DGKB: variants seen among roughly 807,000 people sequenced by gnomAD.
DGKB encodes 90 kDa diacylglycerol kinase.
Under a neutral mutation model 114.3 loss-of-function variants are expected in DGKB, and 67 were observed. The observed-to-expected ratio is 0.59, with a 90% confidence interval of 0.48 to 0.72. DGKB has a LOEUF of 0.72. Among genes scored for constraint, DGKB ranks in the 30% least tolerant of loss-of-function variants. The pLI is 0.00. For synonymous variants in DGKB, 398 were observed against 323.1 expected (o/e 1.23, Z -2.49); for missense variants, 907 against 975.2 (o/e 0.93, Z 0.93).
At chr7:14,248,228 A>C (rs958231873) in intron 23 of DGKB, among the ~76,000 whole-genome samples, 1 of 152,094 alleles carries the variant, frequency 6.6e-6, no homozygotes, top group Non-Finnish European at 1.5e-5. Context: ...TGCCAGTACT[A>C]TACTGTTTTG....
intron 20 of DGKB, among the ~76,000 whole-genome samples, chr7:14,514,247 TC>T (rs1788421488): frequency 6.6e-6 from 1 of 151,938 alleles, no homozygotes; most frequent in African/African-American, 2.4e-5. Flanking sequence ...ATGATACATT[TC>T]CCCCCAAAAT....
chr7:14,763,875 C>T (rs977975891), intron 2 of DGKB, among the ~76,000 whole-genome samples: 13 of 151,948 alleles, frequency 8.6e-5, no homozygotes, highest in African/African-American at 2.9e-4. Context: ...TTGTTTTTAA[C>T]CAAAATAGTG....
rs576415782 is a variant in DGKB at position 14,231,082 on chromosome 7, C to T, written c.2123-52931G>A. 4.9e-5 allele frequency among the ~76,000 whole-genome samples: 6 copies of T among 121,874 alleles called. No homozygotes were observed. The South Asian group carries it at 1.1e-3, about 22-fold the overall frequency. The allele number at this position is 121,874 out of a possible 152,430, so 80.0% of individuals were successfully genotyped here. A position where few individuals can be genotyped will look rare whatever the true frequency, so the allele number is the denominator to read the frequency against. ...AAGGTTAAAAATTCTTTCTTCTTTC[C>T]CTTTCTTTCTTTCTTTCTTTCTTTC... On this transcript the variant is annotated intron_variant, in intron 23 of 25. Transcript: ENST00000402815.
intron 1 of DGKB, among the ~76,000 whole-genome samples, chr7:14,847,380 A>G (rs1848782005): frequency 1.3e-5 from 2 of 152,198 alleles, no homozygotes; most frequent in Admixed American, 1.3e-4. Context: ...TTTCCAACAG[A>G]AAAAAATCCT....
intron 4 of DGKB, among the ~76,000 whole-genome samples, chr7:14,741,969 G>C (rs1832649128): frequency 6.6e-6 from 1 of 152,110 alleles, no homozygotes; most frequent in Non-Finnish European, 1.5e-5. Flanking sequence ...TCTGAGAAAG[G>C]TTTTTTCCCC....
At chr7:14,834,606 T>A (rs10479935) in intron 2 of DGKB, among the ~76,000 whole-genome samples, 14,558 of 152,160 alleles carry the variant, frequency 0.096, 1,221 homozygotes, top group East Asian at 0.29. Flanking sequence ...TCCATCTGAC[T>A]GGGACTTCAC....
intron 8 of DGKB, among the ~76,000 whole-genome samples, chr7:14,695,585 C>T (rs780044893): frequency 3.5e-5 from 5 of 143,770 alleles, no homozygotes; most frequent in Non-Finnish European, 6.0e-5. Flanking sequence ...TAGCAAGCTC[C>T]GCCTCCTGGG....
chr7:14,612,468 A>G (rs1805738150), intron 16 of DGKB, among the ~76,000 whole-genome samples: 1 of 152,006 alleles, frequency 6.6e-6, no homozygotes, highest in Non-Finnish European at 1.5e-5. Flanking sequence ...TTAAAGCAAA[A>G]ATGTTTTGTT....
intron 2 of DGKB, among the ~76,000 whole-genome samples, chr7:14,836,970 A>T (rs1176828173): frequency 3.3e-5 from 5 of 152,122 alleles, no homozygotes. Context: ...AGAAGAACAC[A>T]CTCCCTCTCT....
At chr7:14,755,870 G>A (rs1292377629) in intron 3 of DGKB, among the ~76,000 whole-genome samples, 1 of 151,992 alleles carries the variant, frequency 6.6e-6, no homozygotes, top group Non-Finnish European at 1.5e-5. Context: ...TTCTTGGGTT[G>A]TAATGAGATC....
intron 5 of DGKB, among the ~76,000 whole-genome samples, chr7:14,728,719 T>C (rs1564030700): frequency 7.3e-6 from 1 of 136,684 alleles, no homozygotes; most frequent in Admixed American, 7.5e-5. Context: ...TTTTTTTTTC[T>C]CTGAGATGGA....
chr7:14,694,301 A>T (rs1014622219), intron 8 of DGKB, 107 bp from the exon 9 acceptor site: 2 of 994,604 alleles, frequency 2.0e-6, no homozygotes, highest in Admixed American at 2.4e-5. Context: ...AGTTGGGATA[A>T]CTGTCTTGCT....
intron 25 of DGKB, among the ~76,000 whole-genome samples, chr7:14,164,656 G>C (rs932315306): frequency 6.6e-6 from 1 of 152,054 alleles, no homozygotes; most frequent in Non-Finnish European, 1.5e-5. Flanking sequence ...ATGATAATGA[G>C]GAAACAATAA....
At chr7:14,288,438 C>G (rs1328685181) in intron 23 of DGKB, among the ~76,000 whole-genome samples, 1 of 151,946 alleles carries the variant, frequency 6.6e-6, no homozygotes, top group Non-Finnish European at 1.5e-5. Context: ...AAAGAACTCA[C>G]TCAGGTATTG....
intron 23 of DGKB, among the ~76,000 whole-genome samples, chr7:14,270,049 A>C (rs62443663): frequency 1.9e-5 from 1 of 51,484 alleles, no homozygotes; most frequent in South Asian, 4.8e-4. Flanking sequence ...CTTTTTTTGC[A>C]AAAAAAAAAA....
At chr7:14,741,775 T>C (rs1832619286) in intron 4 of DGKB, among the ~76,000 whole-genome samples, 1 of 152,230 alleles carries the variant, frequency 6.6e-6, no homozygotes, top group African/African-American at 2.4e-5. Flanking sequence ...TGGTTTCACC[T>C]GTAAGGTTAC....
chr7:14,929,921 G>C (rs572372621), intron 1 of DGKB, among the ~76,000 whole-genome samples: 108 of 152,256 alleles, frequency 7.1e-4, no homozygotes, highest in Non-Finnish European at 1.2e-3. Flanking sequence ...TAGGGGTTCA[G>C]TTTCATGCTT....
chr7:14,216,370 A>C (rs886589957), intron 23 of DGKB, among the ~76,000 whole-genome samples: 1 of 152,258 alleles, frequency 6.6e-6, no homozygotes, highest in East Asian at 1.9e-4. Context: ...TGTCATGAGT[A>C]ATAAATTTGG....
chr7:14,882,164 G>C (rs1337998840), intron 1 of DGKB, among the ~76,000 whole-genome samples: 3 of 151,956 alleles, frequency 2.0e-5, no homozygotes, highest in African/African-American at 7.2e-5. Context: ...AGTTAAAAAA[G>C]TGAGAAAGTA....
Sources: gnomAD v4.1 joint callset for allele counts (sites outside exome capture counted in the v4.1 genomes callset) on GRCh38, gnomAD v4.1.1 for gene constraint, MANE v1.5 for transcripts, NCBI Gene and HGNC (gene_info 2026-07-23, HGNC 2026-07-21) for gene names.